The following CD302 variants were observed in gnomAD, a reference collection of about 807,000 sequenced individuals.
CD302 encodes CD302 molecule.
CD302 carries 23 observed loss-of-function variants against 26.5 expected under a neutral mutation model. The ratio of observed to expected loss-of-function variants is 0.87; its 90% CI spans 0.62 to 1.23. The LOEUF (loss-of-function observed/expected upper bound fraction) is 1.23, where lower values mean the gene tolerates loss of function less well. CD302 is among the 50% of genes most tolerant of loss of function. The pLI is 0.00. For missense variants in CD302, 290 were observed against 275.5 expected (o/e 1.05, Z -0.37); for synonymous variants, 90 against 99.4 (o/e 0.91, Z 0.56).
intron 4 of CD302, 89 bp downstream of exon 4, chr2:159,779,916 T>C (rs1047666777): frequency 2.1e-6 from 3 of 1,459,744 alleles, no homozygotes; most frequent in African/African-American, 2.8e-5. Context: ...TTCTATTTAT[T>C]GAGGCACACT....
chr2:159,784,535 T>C (rs1708614543), intron 1 of CD302, among the ~76,000 whole-genome samples: 1 of 151,908 alleles, frequency 6.6e-6, no homozygotes, highest in African/African-American at 2.4e-5. Flanking sequence ...TTTGTATTTT[T>C]TGTAGAGACA....
At chr2:159,775,289 A>G (rs1708277458) in intron 5 of CD302, among the ~76,000 whole-genome samples, 1 of 152,252 alleles carries the variant, frequency 6.6e-6, no homozygotes, top group African/African-American at 2.4e-5. Flanking sequence ...ACAGATTTAC[A>G]TGCACATATA....
intron 5 of CD302, among the ~76,000 whole-genome samples, chr2:159,773,161 G>T (rs958707584): frequency 2.6e-5 from 4 of 152,152 alleles, no homozygotes; most frequent in African/African-American, 9.7e-5. Flanking sequence ...GATGACAGGC[G>T]CACGCCATGA....
intron 1 of CD302, among the ~76,000 whole-genome samples, chr2:159,787,402 T>A (rs1203696830): frequency 6.6e-6 from 1 of 152,160 alleles, no homozygotes; most frequent in East Asian, 1.9e-4. Context: ...GTTCCTTTTT[T>A]CTCATTTATT....
chr2:159,778,195 T>C (rs1236574056), intron 4 of CD302, among the ~76,000 whole-genome samples: 3 of 152,122 alleles, frequency 2.0e-5, no homozygotes, highest in Non-Finnish European at 4.4e-5. Context: ...TTAGCTTGGT[T>C]GGTGGAAAAG....
chr2:159,783,620 T>G, intron 1 of CD302, 151 bp from the exon 2 acceptor site: 1 of 554,460 alleles, frequency 1.8e-6, no homozygotes, highest in Non-Finnish European at 3.0e-6. Context: ...AATCAACCAG[T>G]GTAACAGGAA....
intron 4 of CD302, 61 bp downstream of exon 4, chr2:159,779,943 TA>T (rs1279973136): frequency 1.1e-4 from 169 of 1,540,794 alleles, no homozygotes; most frequent in Non-Finnish European, 1.3e-4. Context: ...AAAATTATTT[TA>T]AAACCAGTCC....
chr2:159,780,317 G>GGATTAAAATTA, intron 3 of CD302, 139 bp from the exon 4 acceptor site: 1 of 972,386 alleles, frequency 1.0e-6, no homozygotes, highest in Non-Finnish European at 1.5e-6. Context: ...ATTAGAAGGA[G>GGATTAAAATTA]GAATATATCC....
intron 1 of CD302, among the ~76,000 whole-genome samples, chr2:159,796,149 C>A (rs1167488599): frequency 6.6e-6 from 1 of 152,170 alleles, no homozygotes; most frequent in Non-Finnish European, 1.5e-5. Flanking sequence ...ATATGCAATA[C>A]CCATATTTAT....
At chr2:159,792,163 C>T (rs1387179260) in intron 1 of CD302, among the ~76,000 whole-genome samples, 2 of 152,164 alleles carry the variant, frequency 1.3e-5, no homozygotes, top group African/African-American at 4.8e-5. Flanking sequence ...AGAAGCCTCA[C>T]TCATATGGGT....
Position 159,780,017 on chromosome 2 carries a change from A to G in CD302, c.457T>C (p.Cys153Arg). The G allele has an allele frequency of 6.2e-7, 1 of 1,613,864 alleles. No individual in the cohort carries two copies. The highest frequency in any genetic ancestry group is 1.7e-5 in the Admixed American group (1 of 59,962). Residue 153 changes from cysteine to arginine, a missense_variant, in exon 4 of 6, where the codon TGC becomes CGC. Coordinates refer to ENST00000259053, the MANE Select transcript of CD302 (RefSeq NM_014880.5). ...CGGTCATACTTACTAGCTGTTTTGCATAGTGTTCCTTCCACAGAAGAAACT... is the reference window on the plus strand; with the variant it reads ...CGGTCATACTTACTAGCTGTTTTGCGTAGTGTTCCTTCCACAGAAGAAACT... Reference protein sequence around the residue: ...CEVSSVEGTLCKTAIPYKRKY... With the variant: ...CEVSSVEGTLRKTAIPYKRKY...
intron 4 of CD302, among the ~76,000 whole-genome samples, chr2:159,778,211 G>A (rs1418828344): frequency 6.6e-6 from 1 of 152,046 alleles, no homozygotes; most frequent in African/African-American, 2.4e-5. Context: ...AAAAGAATAC[G>A]GGATCTTGAG....
intron 1 of CD302, among the ~76,000 whole-genome samples, chr2:159,786,557 C>A (rs915363497): frequency 7.9e-5 from 12 of 152,092 alleles, no homozygotes; most frequent in African/African-American, 2.9e-4. Context: ...TGGTCTTGAA[C>A]TCCTGACCTC....
chr2:159,784,830 T>C (rs186412282), intron 1 of CD302, among the ~76,000 whole-genome samples: 6 of 152,294 alleles, frequency 3.9e-5, no homozygotes, highest in African/African-American at 1.2e-4. Flanking sequence ...GCTTCTTATA[T>C]AGCACAGAGC....
At chr2:159,776,812 C>T (rs1708346732) in intron 5 of CD302, among the ~76,000 whole-genome samples, 1 of 150,498 alleles carries the variant, frequency 6.6e-6, no homozygotes, top group African/African-American at 2.4e-5. Context: ...TCATGCAATT[C>T]TCCCTGCCTC....
In CD302 at chr2:159,769,922, A is replaced by T. The variant is rs1469328996; in HGVS notation, c.*1929T>A. On this transcript the variant is annotated 3_prime_UTR_variant, in exon 6 of 6. Transcript: ENST00000259053. ...TAACCACCTGTGATTTGAACACTTG[A>T]CAATGTGGCTAATGTAATTCGAAAA... 6.6e-6 allele frequency: 1 copy of T among 152,202 alleles called. No homozygotes were observed. Among genetic ancestry groups the T allele is most frequent in the African/African-American group, 2.4e-5 (1 of 41,458 alleles). The allele number at this position is 152,202 out of a possible 1,614,324, so 9.4% of individuals were successfully genotyped here. A position where few individuals can be genotyped will look rare whatever the true frequency, so the allele number is the denominator to read the frequency against.
chr2:159,795,223 G>C (rs1194953110), intron 1 of CD302, among the ~76,000 whole-genome samples: 1 of 147,340 alleles, frequency 6.8e-6, no homozygotes, highest in African/African-American at 2.5e-5. Flanking sequence ...ACTCCATCTC[G>C]GAAAAAAAAA....
chr2:159,794,795 G>T (rs896508563), intron 1 of CD302, among the ~76,000 whole-genome samples: 2 of 151,166 alleles, frequency 1.3e-5, no homozygotes, highest in Non-Finnish European at 3.0e-5. Flanking sequence ...TGATCCACCC[G>T]CCTCGGCCTC....
At chr2:159,776,662 C>A (rs1354458084) in intron 5 of CD302, among the ~76,000 whole-genome samples, 2 of 151,660 alleles carry the variant, frequency 1.3e-5, no homozygotes, top group Non-Finnish European at 2.9e-5. Context: ...TCGTAGTAAC[C>A]CCCAAATAGA....
Sources: allele counts gnomAD v4.1 joint callset (sites outside exome capture counted in the v4.1 genomes callset), GRCh38; gene constraint gnomAD v4.1.1; transcripts MANE v1.5; gene names NCBI Gene and HGNC (gene_info 2026-07-23, HGNC 2026-07-21).